The following RANBP9 variants were observed in gnomAD, a reference collection of about 807,000 sequenced individuals.
RANBP9 encodes ran-binding protein 9.
RANBP9 carries 15 observed loss-of-function variants against 84.3 expected under a neutral mutation model. The observed-to-expected ratio is 0.18, with a 90% CI of 0.12 to 0.27. The LOEUF (loss-of-function observed/expected upper bound fraction) is 0.27, where lower values mean the gene tolerates loss of function less well. RANBP9 is among the 10% of genes least tolerant of loss of function. RANBP9 has a pLI of 1.00. For missense variants in RANBP9, 809 were observed against 912.8 expected, an observed-to-expected ratio of 0.89 and a Z score of 1.46; for synonymous variants, 392 against 349.6, an observed-to-expected ratio of 1.12 and a Z score of -1.35.
chr6:13,705,441 T>C (rs1209742908), intron 1 of RANBP9, among the ~76,000 whole-genome samples: 1 of 131,218 alleles, frequency 7.6e-6, no homozygotes. Context: ...AAAAAGAATA[T>C]ACATTATTAT....
intron 4 of RANBP9, 79 bp downstream of exon 4, chr6:13,657,030 T>C (rs1313249168): frequency 3.2e-5 from 42 of 1,330,410 alleles, no homozygotes; most frequent in Non-Finnish European, 4.3e-5. Flanking sequence ...GAGAATCACA[T>C]AATAAATACA....
At chr6:13,674,079 G>A (rs1198761764) in intron 2 of RANBP9, among the ~76,000 whole-genome samples, 6 of 145,182 alleles carry the variant, frequency 4.1e-5, no homozygotes, top group African/African-American at 1.0e-4. Flanking sequence ...GGGAGACCTT[G>A]TCTCAAAAAA....
At chr6:13,705,168 C>A (rs562886713) in intron 1 of RANBP9, among the ~76,000 whole-genome samples, 9 of 151,460 alleles carry the variant, frequency 5.9e-5, no homozygotes, top group African/African-American at 2.2e-4. Context: ...CTTTGAGAAG[C>A]CAAGGCAGGC....
chr6:13,651,643 G>A (rs1007728203), intron 5 of RANBP9, among the ~76,000 whole-genome samples: 5 of 151,568 alleles, frequency 3.3e-5, no homozygotes, highest in African/African-American at 9.7e-5. Context: ...CTCGTGATCC[G>A]CCCACCTCGG....
At chr6:13,667,624 T>C (rs1411192935) in intron 2 of RANBP9, among the ~76,000 whole-genome samples, 1 of 152,168 alleles carries the variant, frequency 6.6e-6, no homozygotes, top group Non-Finnish European at 1.5e-5. Flanking sequence ...ATCTTTCCTA[T>C]GTGATGTATT....
Position 13,711,258 on chromosome 6 carries a change from G to A in RANBP9, c.248C>T (p.Pro83Leu). Residue 83 changes from proline to leucine, a missense_variant, in exon 1 of 14, where the codon CCG (proline) becomes CTG (leucine). Physicochemically the swap from Pro to Leu is moderately conservative, Grantham distance 98. This residue lies in a region of RANBP9 where 302 missense variants were observed against 240.1 expected (regional missense o/e 1.26). Coordinates refer to ENST00000011619, the MANE Select transcript of RANBP9 (RefSeq NM_005493.3). Reference sequence around the variant, plus strand: ...GGGAGGCGGGGGCGGCGGCGGGGGCGGCGGGGCCGCGGTGGCCGGGGGCGG... The same window carrying A: ...GGGAGGCGGGGGCGGCGGCGGGGGCAGCGGGGCCGCGGTGGCCGGGGGCGG... ...PPPPPATAAP[P>L]PPPPPPPPPA... 1 of 981,838 alleles carries A rather than the reference G, an allele frequency of 1.0e-6. No individual in the cohort carries two copies. The highest frequency in any genetic ancestry group is 4.6e-5 in the South Asian group (1 of 21,964). The allele number at this position is 981,838 out of a possible 1,614,324, so 60.8% of individuals were successfully genotyped here. A position where few individuals can be genotyped will look rare whatever the true frequency, so the allele number is the denominator to read the frequency against.
In RANBP9 at chr6:13,701,058, C is replaced by G. The variant is rs988005059; in HGVS notation, c.572-4162G>C. On this transcript the variant is annotated intron_variant, in intron 1 of 13. Transcript: ENST00000011619. ...TTCTAAAGCCTTCACGTCTATACTT[C>G]AACATCATGGGAACTCTAATTCCTC... Among the ~76,000 whole-genome samples, 5 of 152,156 alleles carry G rather than the reference C, an allele frequency of 3.3e-5. No individual in the cohort carries two copies. In the East Asian group the frequency reaches 9.6e-4, roughly 29 times the overall value.
intron 2 of RANBP9, among the ~76,000 whole-genome samples, chr6:13,689,434 C>A (rs1252342204): frequency 6.6e-6 from 1 of 152,002 alleles, no homozygotes; most frequent in East Asian, 1.9e-4. Flanking sequence ...CCACACCCAG[C>A]TAATTTTTGT....
rs372574264 is a variant in RANBP9 at position 13,632,838 on chromosome 6, TAAAAAAA to T, written c.1796-324_1796-318del. ...CCCTAAAACTACATTAAGCAACATT[TAAAAAAA>T]AAAAAAAAAAAAGGAAAACTGTTAA... On this transcript the variant is annotated intron_variant, in intron 11 of 13. Transcript: ENST00000011619. 44 of 121,586 alleles carry T rather than the reference TAAAAAAA, an allele frequency of 3.6e-4. 1 individual carries two copies. The South Asian group carries it at 6.9e-3, about 19-fold the overall frequency. The allele number at this position is 121,586 out of a possible 1,614,324, so 7.5% of individuals were successfully genotyped here. A position where few individuals can be genotyped will look rare whatever the true frequency, so the allele number is the denominator to read the frequency against.
At chr6:13,660,892 T>A (rs1765525920) in intron 2 of RANBP9, among the ~76,000 whole-genome samples, 1 of 152,218 alleles carries the variant, frequency 6.6e-6, no homozygotes, top group Non-Finnish European at 1.5e-5. Context: ...TTACTTTTTA[T>A]TTAGAAAGGC....
chr6:13,682,898 G>A (rs1027832204), intron 2 of RANBP9, among the ~76,000 whole-genome samples: 1 of 152,078 alleles, frequency 6.6e-6, no homozygotes, highest in Non-Finnish European at 1.5e-5. Context: ...TTAAAAAGAT[G>A]GGGTGTGGAT....
At chr6:13,689,094 C>CT (rs1253463944) in intron 2 of RANBP9, among the ~76,000 whole-genome samples, 1 of 150,846 alleles carries the variant, frequency 6.6e-6, no homozygotes, top group Non-Finnish European at 1.5e-5. Flanking sequence ...GAGGTCAAGG[C>CT]TACAGAGAGC....
intron 1 of RANBP9, among the ~76,000 whole-genome samples, chr6:13,702,038 G>A (rs1254363079): frequency 2.6e-5 from 4 of 152,128 alleles, no homozygotes; most frequent in Non-Finnish European, 5.9e-5. Context: ...AATCTGTAAA[G>A]GGACAATGTC....
chr6:13,681,572 T>C (rs1356190594), intron 2 of RANBP9, among the ~76,000 whole-genome samples: 2 of 151,378 alleles, frequency 1.3e-5, no homozygotes, highest in African/African-American at 2.4e-5. Flanking sequence ...TGTAAAAATA[T>C]ACTAAACCTC....
chr6:13,632,711 C>A (rs1334751190), intron 11 of RANBP9, 190 bp from the exon 12 acceptor site: 2 of 583,354 alleles, frequency 3.4e-6, no homozygotes, highest in African/African-American at 3.8e-5. Flanking sequence ...ATTTAGCTCT[C>A]AAGAGTCTAG....
At chr6:13,707,903 A>C (rs1758168744) in intron 1 of RANBP9, among the ~76,000 whole-genome samples, 1 of 152,228 alleles carries the variant, frequency 6.6e-6, no homozygotes, top group Admixed American at 6.5e-5. Context: ...AACAATTTCA[A>C]AAATAAGAGG....
chr6:13,637,436 C>T (rs1157240905), intron 10 of RANBP9, among the ~76,000 whole-genome samples: 3 of 152,072 alleles, frequency 2.0e-5, no homozygotes, highest in Non-Finnish European at 2.9e-5. Context: ...CTTATGTCAC[C>T]GTTCAAGGTT....
At chr6:13,706,320 G>C (rs976104700) in intron 1 of RANBP9, among the ~76,000 whole-genome samples, 1 of 147,446 alleles carries the variant, frequency 6.8e-6, no homozygotes, top group Non-Finnish European at 1.5e-5. Flanking sequence ...CTCCAGCCTG[G>C]GCAACAGAGC....
At chr6:13,696,704 C>T in intron 2 of RANBP9, 81 bp downstream of exon 2, 2 of 1,198,352 alleles carry the variant, frequency 1.7e-6, no homozygotes, top group East Asian at 2.4e-5. Flanking sequence ...TCCAGGATTC[C>T]AACTTTCCAA....
Sources: gnomAD v4.1 joint callset for allele counts (sites outside exome capture counted in the v4.1 genomes callset) on GRCh38, gnomAD v4.1.1 for gene constraint, gnomAD v4.1.1 regional missense constraint, MANE v1.5 for transcripts, NCBI Gene and HGNC (gene_info 2026-07-23, HGNC 2026-07-21) for gene names.